Variants in EXT2 observed in about 807,000 individuals in gnomAD.
The protein encoded by EXT2 is exostosin-2.
In EXT2, 53 loss-of-function variants were observed where a neutral mutation model predicts 81.6. The observed-to-expected ratio is 0.65, with a 90% CI of 0.52 to 0.82. The LOEUF (loss-of-function observed/expected upper bound fraction) is 0.82. Ranked by LOEUF, EXT2 falls within the 40% of genes least tolerant of loss-of-function variation. The pLI is 0.00. For missense variants in EXT2, 774 were observed against 910.2 expected (o/e 0.85, Z 1.93); for synonymous variants, 320 against 340.0 (o/e 0.94, Z 0.65).
intron 10 of EXT2, among the ~76,000 whole-genome samples, chr11:44,222,272 A>G (rs1432992304): frequency 6.6e-6 from 1 of 152,188 alleles, no homozygotes. Flanking sequence ...TCTCACAACC[A>G]CGGCCACTAA....
At chr11:44,102,951 G>A (rs748099785) in intron 1 of EXT2, among the ~76,000 whole-genome samples, 3 of 151,840 alleles carry the variant, frequency 2.0e-5, no homozygotes, top group Non-Finnish European at 4.4e-5. Context: ...GCAAGTCCCT[G>A]TTGCTTATAT....
At chr11:44,204,786 C>T (rs1403463786) in intron 9 of EXT2, among the ~76,000 whole-genome samples, 1 of 152,164 alleles carries the variant, frequency 6.6e-6, no homozygotes, top group East Asian at 1.9e-4. Context: ...AAACCATCCC[C>T]GCCCCTCCTT....
intron 10 of EXT2, among the ~76,000 whole-genome samples, chr11:44,223,689 G>A (rs117956812): frequency 0.035 from 5,110 of 146,500 alleles, 135 homozygotes; most frequent in Middle Eastern, 0.067. Context: ...TCGCTCTGTC[G>A]CCTGGCGACA....
At chr11:44,144,211 C>G (rs1954684508) in intron 7 of EXT2, 1 of 1,549,224 alleles carries the variant, frequency 6.5e-7, no homozygotes. Context: ...TTTTTGATGA[C>G]ACATCTTGAT....
In EXT2 at chr11:44,247,243, C is replaced by CA. The variant is rs1956102023; in HGVS notation, c.*2956_*2957insA. On this transcript the variant is annotated 3_prime_UTR_variant, in exon 14 of 14. Transcript: ENST00000533608. Reference sequence around the variant, plus strand: ...CCTGCCAGTGATGCTCTGCTGTATCCTTTTTTTTTTTTTTTTTTTTGAGAC... The same window carrying CA: ...CCTGCCAGTGATGCTCTGCTGTATCCATTTTTTTTTTTTTTTTTTTTGAGAC... Among the ~76,000 whole-genome samples the CA allele has an allele frequency of 8.7e-6, 1 of 115,182 alleles. No homozygotes were observed. The allele number at this position is 115,182 out of a possible 152,430, so 75.6% of individuals were successfully genotyped here.
chr11:44,207,011 C>A (rs756738840), intron 10 of EXT2, 52 bp downstream of exon 10: 1 of 1,559,546 alleles, frequency 6.4e-7, no homozygotes, highest in Admixed American at 1.7e-5. Flanking sequence ...CTTCCTATGA[C>A]TGCTTGTCTT....
In EXT2 at chr11:44,244,642, T is replaced by C. The variant is rs1007582666; in HGVS notation, c.*355T>C. 4.0e-5 allele frequency: 16 copies of C among 402,618 alleles called. No individual in the cohort carries two copies. Among genetic ancestry groups the C allele is most frequent in the Non-Finnish European group, 7.4e-5 (16 of 215,140 alleles). 24.9% of individuals were successfully genotyped at this position (402,618 alleles called of 1,614,324 possible). A position where few individuals can be genotyped will look rare whatever the true frequency, so the allele number is the denominator to read the frequency against. On this transcript the variant is annotated 3_prime_UTR_variant, in exon 14 of 14. Transcript: ENST00000533608. ...GAAACTTCACGGACAGGAAGACTGC[T>C]GGAGAAGAGAAGCGTGTTAGCCCAT... is the stretch of plus-strand genomic sequence containing the variant.
Position 44,247,560 on chromosome 11 carries a change from C to A in EXT2, c.*3273C>A, listed in dbSNP as rs1431967306. Among the ~76,000 whole-genome samples the A allele has an allele frequency of 1.3e-5, 2 of 152,202 alleles. No individual in the cohort carries two copies. The highest frequency in any genetic ancestry group is 4.8e-5 in the African/African-American group (2 of 41,452). On this transcript the variant is annotated 3_prime_UTR_variant, in exon 14 of 14. Transcript: ENST00000533608. Reference sequence around the variant, plus strand: ...AGTCCCCACGCTCAGCCACTGTATCCTTTACTCAGTGTCATCAAGTTCAAA... The same window carrying A: ...AGTCCCCACGCTCAGCCACTGTATCATTTACTCAGTGTCATCAAGTTCAAA...
At chr11:44,232,936 A>G (rs116992128) in intron 11 of EXT2, among the ~76,000 whole-genome samples, 1,627 of 152,302 alleles carry the variant, frequency 0.011, 16 homozygotes, top group Non-Finnish European at 0.017. Flanking sequence ...TTTAGAAGTC[A>G]TGTATAACTA....
Position 44,126,889 on chromosome 11 carries a change from G to T in EXT2, c.1013G>T (p.Gly338Val). The stretch of plus-strand genomic sequence containing the variant: ...GTATTGAGCGATGTGTTACAAGCTG[G>T]CTGTGTCCCGGTTGTCATTGCAGAC... ...QAVLSDVLQA[G>V]CVPVVIADSY... Residue 338 changes from glycine (G) to valine (V), a missense_variant, in exon 6 of 14, where the codon GGC becomes GTC. Coordinates refer to ENST00000533608, the MANE Select transcript of EXT2 (RefSeq NM_207122.2). 1 of 1,614,208 alleles carries T rather than the reference G, an allele frequency of 6.2e-7. No individual in the cohort carries two copies. The highest frequency in any genetic ancestry group is 8.5e-7 in the Non-Finnish European group (1 of 1,180,040).
chr11:44,123,981 GTC>G (rs1954356351), intron 4 of EXT2, among the ~76,000 whole-genome samples: 1 of 146,430 alleles, frequency 6.8e-6, no homozygotes, highest in Non-Finnish European at 1.5e-5. Flanking sequence ...TTCCCATCTG[GTC>G]TCTCCAAAAT....
At chr11:44,228,490 G>A (rs1050939093) in intron 10 of EXT2, among the ~76,000 whole-genome samples, 3 of 152,138 alleles carry the variant, frequency 2.0e-5, no homozygotes, top group Admixed American at 6.5e-5. Context: ...AATCGACTTC[G>A]TACTACACTA....
At chr11:44,209,116 A>G (rs1955617562) in intron 10 of EXT2, among the ~76,000 whole-genome samples, 1 of 152,206 alleles carries the variant, frequency 6.6e-6, no homozygotes, top group Admixed American at 6.5e-5. Flanking sequence ...GGTAATGACA[A>G]TATCTACTTC....
intron 3 of EXT2, among the ~76,000 whole-genome samples, chr11:44,113,891 G>T (rs1425097165): frequency 6.6e-6 from 1 of 152,138 alleles, no homozygotes; most frequent in East Asian, 1.9e-4. Context: ...TGGGATCTGA[G>T]GGAGGTAGCA....
chr11:44,211,235 A>G (rs1203699837), intron 10 of EXT2, among the ~76,000 whole-genome samples: 1 of 152,236 alleles, frequency 6.6e-6, no homozygotes, highest in Non-Finnish European at 1.5e-5. Flanking sequence ...TCAAAAAACT[A>G]AAAGTAGAAC....
chr11:44,126,913 A>T lies in EXT2; in HGVS notation c.1037A>T (p.Asp346Val). 6.2e-7 allele frequency: 1 copy of T among 1,613,884 alleles called. No homozygotes were observed. The highest frequency in any genetic ancestry group is 8.5e-7 in the Non-Finnish European group (1 of 1,179,990). The change falls in exon 6 of 14, where the codon GAC (aspartate) becomes GTC (valine). Residue 346 changes from aspartate to valine, a missense_variant. Asp to Val is a radical substitution (Grantham distance 152). Around this residue, in one of 2 missense-constraint regions of EXT2, gnomAD observed 626 missense variants for 670.5 expected, o/e 0.93. Transcript: ENST00000533608. ...GGCTGTGTCCCGGTTGTCATTGCAG[A>T]CTCCTATATTTTGCCTTTCTCTGAA... ...QAGCVPVVIA[D>V]SYILPFSEVL...
At chr11:44,225,894 C>A (rs1480740381) in intron 10 of EXT2, among the ~76,000 whole-genome samples, 2 of 152,210 alleles carry the variant, frequency 1.3e-5, no homozygotes, top group Admixed American at 6.5e-5. Context: ...GGACAGTGGT[C>A]ATCAGCTCCA....
chr11:44,202,940 T>G (rs997447219), intron 9 of EXT2, among the ~76,000 whole-genome samples: 2 of 152,256 alleles, frequency 1.3e-5, no homozygotes, highest in Non-Finnish European at 2.9e-5. Context: ...AGAGGCATCT[T>G]GTTTAGTTTT....
At chr11:44,182,340 T>C (rs1470940637) in intron 8 of EXT2, among the ~76,000 whole-genome samples, 1 of 152,104 alleles carries the variant, frequency 6.6e-6, no homozygotes, top group East Asian at 1.9e-4. Flanking sequence ...TATTTCTGTT[T>C]CCAGAGCCCC....
Sources: gnomAD v4.1 joint callset for allele counts (sites outside exome capture counted in the v4.1 genomes callset) on GRCh38, gnomAD v4.1.1 for gene constraint, gnomAD v4.1.1 regional missense constraint, MANE v1.5 for transcripts, NCBI Gene and HGNC (gene_info 2026-07-23, HGNC 2026-07-21) for gene names.